The following GRM8 variants were observed in gnomAD, a reference collection of about 807,000 sequenced individuals.
The protein encoded by GRM8 is glutamate metabotropic receptor 8.
GRM8 carries 47 observed loss-of-function variants against 87.2 expected under a neutral mutation model. The ratio of observed to expected loss-of-function variants is 0.54; its 90% CI spans 0.43 to 0.69. The LOEUF (loss-of-function observed/expected upper bound fraction) is 0.69, where lower values mean the gene tolerates loss of function less well. Ranked by LOEUF, GRM8 falls within the 30% of genes least tolerant of loss-of-function variation. GRM8 has a pLI of 0.00. For missense variants in GRM8, 1,019 were observed against 1,139.2 expected, an observed-to-expected ratio of 0.89 and a Z score of 1.52; for synonymous variants, 396 against 404.5, an observed-to-expected ratio of 0.98 and a Z score of 0.25.
intron 3 of GRM8, among the ~76,000 whole-genome samples, chr7:126,960,553 A>C (rs1378279004): frequency 6.6e-6 from 1 of 152,224 alleles, no homozygotes; most frequent in Non-Finnish European, 1.5e-5. Flanking sequence ...TAATATGTTC[A>C]AAGGAGATCC....
chr7:126,561,435 C>T (rs1216892271), intron 8 of GRM8, among the ~76,000 whole-genome samples: 1 of 151,618 alleles, frequency 6.6e-6, no homozygotes, highest in Non-Finnish European at 1.5e-5. Context: ...TGCCACCACA[C>T]TCCAGCCTGG....
chr7:127,093,750 C>A (rs1307831275), intron 3 of GRM8, among the ~76,000 whole-genome samples: 1 of 152,224 alleles, frequency 6.6e-6, no homozygotes, highest in African/African-American at 2.4e-5. Context: ...GTTTCACTTT[C>A]TTTCCATTCC....
At chr7:127,198,157 A>T (rs1795391041) in intron 2 of GRM8, among the ~76,000 whole-genome samples, 1 of 152,210 alleles carries the variant, frequency 6.6e-6, no homozygotes, top group Admixed American at 6.5e-5. Flanking sequence ...ATGTATAATG[A>T]TCAAATCATG....
chr7:126,609,526 T>C, intron 7 of GRM8, 28 bp from the exon 8 acceptor site: 1 of 1,589,934 alleles, frequency 6.3e-7, no homozygotes, highest in Non-Finnish European at 8.6e-7. Flanking sequence ...ACAATGTTAA[T>C]AAAGTTTTAG....
chr7:127,012,523 C>T (rs1413594796), intron 3 of GRM8, among the ~76,000 whole-genome samples: 1 of 152,024 alleles, frequency 6.6e-6, no homozygotes, highest in Non-Finnish European at 1.5e-5. Context: ...GGCATTTGGG[C>T]CTTCCGCTCT....
At chr7:126,583,404 G>T (rs1297280400) in intron 8 of GRM8, among the ~76,000 whole-genome samples, 1 of 151,822 alleles carries the variant, frequency 6.6e-6, no homozygotes, top group Non-Finnish European at 1.5e-5. Flanking sequence ...AGAAAGAAAA[G>T]AAAAGTAATA....
At chr7:126,567,002 A>G (rs1337448808) in intron 8 of GRM8, among the ~76,000 whole-genome samples, 1 of 152,170 alleles carries the variant, frequency 6.6e-6, no homozygotes, top group East Asian at 1.9e-4. Context: ...TAAGTTTAGA[A>G]TGGTGGTTAC....
Position 126,653,762 on chromosome 7 carries a change from A to G in GRM8, c.1358-44264T>C, listed in dbSNP as rs539927777. ...CTGGGTATTTGTTTTAATGCACTTC[A>G]GTTCAATAGTGTTGTTTTCTTTCTC... is the stretch of plus-strand genomic sequence containing the variant. On this transcript the variant is annotated intron_variant, in intron 7 of 10. Coordinates refer to ENST00000339582, the MANE Select transcript of GRM8 (RefSeq NM_000845.3). Among the ~76,000 whole-genome samples, 6 of 152,350 alleles carry G rather than the reference A, an allele frequency of 3.9e-5. No individual in the cohort carries two copies. The South Asian group carries it at 1.0e-3, about 26-fold the overall frequency.
intron 3 of GRM8, among the ~76,000 whole-genome samples, chr7:126,920,456 T>C (rs1329102995): frequency 6.6e-6 from 1 of 152,106 alleles, no homozygotes; most frequent in African/African-American, 2.4e-5. Context: ...CAAGTTGCAA[T>C]TGACTTACCA....
intron 7 of GRM8, among the ~76,000 whole-genome samples, chr7:126,688,739 G>C (rs954866529): frequency 1.2e-4 from 17 of 145,814 alleles, no homozygotes; most frequent in African/African-American, 4.3e-4. Context: ...CTCTCTTTCT[G>C]ACACACACAC....
intron 8 of GRM8, among the ~76,000 whole-genome samples, chr7:126,586,919 G>A (rs1159134523): frequency 6.6e-6 from 1 of 151,952 alleles, no homozygotes; most frequent in African/African-American, 2.4e-5. Context: ...GAAAATTTTT[G>A]CAATCTACTC....
chr7:126,565,012 T>C (rs538297713), intron 8 of GRM8, among the ~76,000 whole-genome samples: 1 of 152,060 alleles, frequency 6.6e-6, no homozygotes, highest in African/African-American at 2.4e-5. Context: ...CAACCACAAT[T>C]CCATATAAAA....
intron 2 of GRM8, among the ~76,000 whole-genome samples, chr7:127,236,583 C>T (rs1797995202): frequency 6.6e-6 from 1 of 152,156 alleles, no homozygotes; most frequent in Admixed American, 6.6e-5. Context: ...GAGAAAACCA[C>T]CCCCATGATT....
intron 3 of GRM8, among the ~76,000 whole-genome samples, chr7:127,024,263 C>G (rs917155134): frequency 1.3e-5 from 2 of 152,040 alleles, no homozygotes; most frequent in Non-Finnish European, 2.9e-5. Context: ...TGGCCCAGGG[C>G]ATGGCACTTA....
At chr7:126,539,435 T>C (rs1468599356) in intron 8 of GRM8, among the ~76,000 whole-genome samples, 2 of 152,000 alleles carry the variant, frequency 1.3e-5, no homozygotes, top group African/African-American at 2.4e-5. Flanking sequence ...CTGAAATTGA[T>C]CATCTGATCC....
At chr7:126,664,949 C>A (rs1022554564) in intron 7 of GRM8, among the ~76,000 whole-genome samples, 22 of 152,188 alleles carry the variant, frequency 1.4e-4, no homozygotes, top group African/African-American at 5.1e-4. Flanking sequence ...CTCCACTAAA[C>A]AGTGGGCAAA....
intron 7 of GRM8, among the ~76,000 whole-genome samples, chr7:126,702,885 G>A (rs1241839465): frequency 1.3e-5 from 2 of 152,146 alleles, no homozygotes; most frequent in Non-Finnish European, 2.9e-5. Context: ...GAATGAAAAG[G>A]AGTCATGTGG....
At chr7:126,696,193 C>CA (rs753243399) in intron 7 of GRM8, among the ~76,000 whole-genome samples, 4 of 151,988 alleles carry the variant, frequency 2.6e-5, no homozygotes, top group Non-Finnish European at 2.9e-5. Flanking sequence ...GAATTGGATG[C>CA]AAAATTTAAG....
intron 8 of GRM8, among the ~76,000 whole-genome samples, chr7:126,574,860 G>A (rs1198477248): frequency 3.9e-5 from 6 of 152,078 alleles, no homozygotes; most frequent in Admixed American, 3.3e-4. Flanking sequence ...GACTGTTAAG[G>A]TGTGGACTCA....
Sources: allele counts gnomAD v4.1 joint callset (sites outside exome capture counted in the v4.1 genomes callset), GRCh38; gene constraint gnomAD v4.1.1; transcripts MANE v1.5; gene names NCBI Gene and HGNC (gene_info 2026-07-23, HGNC 2026-07-21).